Variants in RYR2 observed in about 807,000 individuals in gnomAD.
The protein encoded by RYR2 is cardiac muscle ryanodine receptor-calcium release channel.
Under a neutral mutation model 601.1 loss-of-function variants are expected in RYR2, and 227 were observed. That is an observed-to-expected ratio of 0.38 (90% CI 0.34 to 0.42). The LOEUF (loss-of-function observed/expected upper bound fraction) is 0.42, where lower values mean the gene tolerates loss of function less well. Among genes scored for constraint, RYR2 ranks in the 10% least tolerant of loss-of-function variants. The pLI, the probability that RYR2 is intolerant of heterozygous loss-of-function variation, is 1.00. For synonymous variants in RYR2, 2,223 were observed against 2,175.1 expected, an observed-to-expected ratio of 1.02 and a Z score of -0.61; for missense variants, 4,646 against 6,156.5, an observed-to-expected ratio of 0.75 and a Z score of 8.21.
chr1:237,094,967 T>C (rs1375689930), intron 1 of RYR2, among the ~76,000 whole-genome samples: 1 of 152,234 alleles, frequency 6.6e-6, no homozygotes, highest in Non-Finnish European at 1.5e-5. Context: ...TGCCCTGTGC[T>C]AAACATAGTG....
Position 237,488,773 on chromosome 1 carries a change from T to C in RYR2, c.1709-3033T>C, listed in dbSNP as rs1662987151. ...ACACCTACCCCAAACCTATAAGAAC[T>C]AATGATAATCCCACCATCCTTCGCT... On this transcript the variant is annotated intron_variant, in intron 17 of 104. Transcript: ENST00000366574. 3.3e-5 allele frequency among the ~76,000 whole-genome samples: 5 copies of C among 152,114 alleles called. No individual in the cohort carries two copies. In the South Asian group the frequency reaches 1.0e-3, roughly 32 times the overall value.
intron 35 of RYR2, among the ~76,000 whole-genome samples, chr1:237,608,453 A>G (rs1173429041): frequency 6.6e-6 from 1 of 152,172 alleles, no homozygotes; most frequent in Non-Finnish European, 1.5e-5. Context: ...TTGTAATCCC[A>G]GCACTTTGGG....
At chr1:237,074,283 C>T (rs557853166) in intron 1 of RYR2, among the ~76,000 whole-genome samples, 1 of 152,346 alleles carries the variant, frequency 6.6e-6, no homozygotes, top group South Asian at 2.1e-4. Flanking sequence ...TGCCACTGCA[C>T]TCTAGCCTGG....
intron 22 of RYR2, 106 bp from the exon 23 acceptor site, chr1:237,506,604 G>T: frequency 1.5e-6 from 1 of 684,388 alleles, no homozygotes; most frequent in Non-Finnish European, 2.4e-6. Flanking sequence ...TATGATTACT[G>T]GTTTATGAGG....
chr1:237,690,585 G>A (rs1038982904), intron 63 of RYR2, among the ~76,000 whole-genome samples: 3 of 152,152 alleles, frequency 2.0e-5, no homozygotes, highest in African/African-American at 4.8e-5. Context: ...CACAGGGCCA[G>A]GCACAGTGGC....
At chr1:237,119,960 C>T (rs755883970) in intron 1 of RYR2, among the ~76,000 whole-genome samples, 2 of 152,094 alleles carry the variant, frequency 1.3e-5, no homozygotes, top group Non-Finnish European at 2.9e-5. Flanking sequence ...CCTTTCTGTC[C>T]GAGAGCACAG....
chr1:237,256,856 G>A (rs1032496870), intron 1 of RYR2, among the ~76,000 whole-genome samples: 4 of 152,014 alleles, frequency 2.6e-5, no homozygotes, highest in African/African-American at 9.7e-5. Context: ...CCAAAAATTT[G>A]AGTGACTTTA....
chr1:237,389,535 C>T (rs1702208071), intron 10 of RYR2, among the ~76,000 whole-genome samples: 1 of 152,122 alleles, frequency 6.6e-6, no homozygotes, highest in South Asian at 2.1e-4. Flanking sequence ...TGACAAAATC[C>T]AAGAACTTAG....
chr1:237,353,194 G>A (rs1196718509), intron 3 of RYR2, among the ~76,000 whole-genome samples: 1 of 149,590 alleles, frequency 6.7e-6, no homozygotes, highest in African/African-American at 2.4e-5. Flanking sequence ...TTTGAAAGAA[G>A]CAAGCAAACT....
chr1:237,374,378 C>A (rs1339400355), intron 6 of RYR2, among the ~76,000 whole-genome samples: 1 of 151,798 alleles, frequency 6.6e-6, no homozygotes, highest in Non-Finnish European at 1.5e-5. Context: ...AAAAAATTAA[C>A]CAGGTGTAGT....
intron 1 of RYR2, among the ~76,000 whole-genome samples, chr1:237,150,313 AG>A (rs1674566882): frequency 6.6e-6 from 1 of 152,192 alleles, no homozygotes. Context: ...GAGGCATGTA[AG>A]GAAAGCTAGC....
chr1:237,665,327 A>G (rs1684212596), intron 56 of RYR2, among the ~76,000 whole-genome samples: 1 of 145,120 alleles, frequency 6.9e-6, no homozygotes, highest in Non-Finnish European at 1.5e-5. Flanking sequence ...TGAACCTGGG[A>G]GGCAGAGGTT....
chr1:237,244,205 C>T (rs533435368), intron 1 of RYR2, among the ~76,000 whole-genome samples: 6 of 152,244 alleles, frequency 3.9e-5, no homozygotes, highest in South Asian at 2.1e-4. Context: ...TAGATGTCAC[C>T]GTTTAAGGAT....
chr1:237,683,001 T>A (rs967666613), intron 62 of RYR2, among the ~76,000 whole-genome samples: 5 of 152,164 alleles, frequency 3.3e-5, no homozygotes, highest in African/African-American at 1.2e-4. Flanking sequence ...AACATTATGA[T>A]GGAGATGAGT....
chr1:237,456,485 T>C (rs1658826861), intron 15 of RYR2, 115 bp from the exon 16 acceptor site: 1 of 1,099,096 alleles, frequency 9.1e-7, no homozygotes, highest in Non-Finnish European at 1.2e-6. Flanking sequence ...TTATGATTAG[T>C]AGATGAACCT....
chr1:237,112,103 A>G (rs1669545713), intron 1 of RYR2, among the ~76,000 whole-genome samples: 1 of 151,958 alleles, frequency 6.6e-6, no homozygotes, highest in Admixed American at 6.6e-5. Context: ...TGTTTTTGCT[A>G]CTTCCCCTAC....
chr1:237,706,468 A>C (rs1688387202), intron 67 of RYR2, among the ~76,000 whole-genome samples: 1 of 152,198 alleles, frequency 6.6e-6, no homozygotes, highest in African/African-American at 2.4e-5. Context: ...TTTGTTCCTG[A>C]GGACGGAGAG....
At chr1:237,227,250 C>T (rs993810293) in intron 1 of RYR2, among the ~76,000 whole-genome samples, 1 of 151,216 alleles carries the variant, frequency 6.6e-6, no homozygotes, top group Non-Finnish European at 1.5e-5. Context: ...GTCCCCACCA[C>T]AAAAAAAAGG....
chr1:237,762,403 A>C (rs1277217807), intron 84 of RYR2, among the ~76,000 whole-genome samples: 1 of 152,156 alleles, frequency 6.6e-6, no homozygotes, highest in Non-Finnish European at 1.5e-5. Flanking sequence ...TCAGCTATAA[A>C]ATTTCTAAAA....
Sources: gnomAD v4.1 joint callset for allele counts (sites outside exome capture counted in the v4.1 genomes callset) on GRCh38, gnomAD v4.1.1 for gene constraint, MANE v1.5 for transcripts, NCBI Gene and HGNC (gene_info 2026-07-23, HGNC 2026-07-21) for gene names.